The following SLC5A5 variants were observed in gnomAD, a reference collection of about 807,000 sequenced individuals.
The protein encoded by SLC5A5 is solute carrier family 5 member 5.
In SLC5A5, 56 loss-of-function variants were observed where a neutral mutation model predicts 68.6. That is an observed-to-expected ratio of 0.82 (90% CI 0.66 to 1.02). The LOEUF is 1.02. Ranked by LOEUF, SLC5A5 falls within the 50% of genes least tolerant of loss-of-function variation. The pLI, the probability that SLC5A5 is intolerant of heterozygous loss-of-function variation, is 0.00. For synonymous variants in SLC5A5, 398 were observed against 373.0 expected (o/e 1.07, Z -0.77); for missense variants, 807 against 859.8 (o/e 0.94, Z 0.77).
intron 14 of SLC5A5, among the ~76,000 whole-genome samples, chr19:17,891,274 C>G (rs142410664): frequency 0.038 from 5,712 of 152,080 alleles, 338 homozygotes; most frequent in African/African-American, 0.13. Context: ...GGTGCAATCT[C>G]GGCTCACTGC....
At chr19:17,880,377 G>C (rs2094317940) in intron 7 of SLC5A5, among the ~76,000 whole-genome samples, 1 of 151,602 alleles carries the variant, frequency 6.6e-6, no homozygotes, top group Non-Finnish European at 1.5e-5. Flanking sequence ...ACCACACCCA[G>C]CTAATTTATG....
chr19:17,886,473 A>G (rs2029924604), intron 12 of SLC5A5, among the ~76,000 whole-genome samples: 1 of 151,672 alleles, frequency 6.6e-6, no homozygotes, highest in South Asian at 2.1e-4. Flanking sequence ...ACGCCTGGCT[A>G]ATTTTTATAT....
intron 5 of SLC5A5, among the ~76,000 whole-genome samples, chr19:17,876,807 A>G (rs2094308393): frequency 2.0e-5 from 3 of 151,880 alleles, no homozygotes; most frequent in African/African-American, 7.3e-5. Flanking sequence ...GGTTGCAGTG[A>G]GCCGAGATGG....
rs771335029 is a variant in SLC5A5, at chr19:17,874,098, G to A, written c.358-40G>A. The A allele has an allele frequency of 9.4e-6, 14 of 1,496,520 alleles. No homozygotes were observed. In the South Asian group the frequency reaches 1.6e-4, roughly 17 times the overall value. The allele number at this position is 1,496,520 out of a possible 1,614,324, so 92.7% of individuals were successfully genotyped here. On this transcript the variant is annotated intron_variant, in intron 1 of 14. Coordinates refer to ENST00000222248, the MANE Select transcript of SLC5A5 (RefSeq NM_000453.3). ...GGGACCCGAGAGGCCTCGGCTCCTGGGTAAGGACTGTCCAGGTGACCTCGA... is the reference window on the plus strand; with the variant it reads ...GGGACCCGAGAGGCCTCGGCTCCTGAGTAAGGACTGTCCAGGTGACCTCGA...
At chr19:17,885,587 C>G (rs2094331339) in intron 12 of SLC5A5, among the ~76,000 whole-genome samples, 1 of 151,934 alleles carries the variant, frequency 6.6e-6, no homozygotes, top group South Asian at 2.1e-4. Flanking sequence ...TGCCATGTTG[C>G]CCAGGCTGGT....
rs148887708 is a variant in SLC5A5 at position 17,877,816 on chromosome 19, G to T, written c.792G>T (p.Ala264=). Residue 264 remains alanine (A), a synonymous_variant, in exon 6 of 15, where the codon GCG becomes GCT. Coordinates refer to ENST00000222248, the MANE Select transcript of SLC5A5 (RefSeq NM_000453.3). ...VWLSMYGVNQ[A]QVQRYVACRT... The stretch of plus-strand genomic sequence containing the variant: ...TCTCCATGTATGGCGTGAACCAGGC[G>T]CAGGTGCAGCGCTACGTGGCTTGCC... The T allele has an allele frequency of 2.2e-4, 348 of 1,614,088 alleles. No individual in the cohort carries two copies. The highest frequency in any genetic ancestry group is 2.8e-4 in the Non-Finnish European group (329 of 1,180,040).
intron 1 of SLC5A5, among the ~76,000 whole-genome samples, chr19:17,873,036 C>T (rs11881968): frequency 0.025 from 3,877 of 152,264 alleles, 179 homozygotes; most frequent in African/African-American, 0.089. Flanking sequence ...CTGACGGCTC[C>T]GGGGTTCGAA....
Position 17,883,941 on chromosome 19 carries a change from G to A in SLC5A5, c.1421G>A (p.Arg474Lys), listed in dbSNP as rs577226533. 22 of 1,563,728 alleles carry A rather than the reference G, an allele frequency of 1.4e-5. No individual in the cohort carries two copies. The South Asian group carries it at 2.3e-4, about 17-fold the overall frequency. ...TLYPPSEQTM[R>K]VLPSSAARCV... is the part of the protein sequence containing the mutation. Reference sequence around the variant, plus strand: ...TACCCACCCAGCGAGCAGACCATGAGGGTCCTGCCATCGTCGGCTGCCCGC... The same window carrying A: ...TACCCACCCAGCGAGCAGACCATGAAGGTCCTGCCATCGTCGGCTGCCCGC... Residue 474 changes from arginine to lysine, a missense_variant, in exon 12 of 15, where the codon AGG becomes AAG. Physicochemically the swap from Arg to Lys is conservative, Grantham distance 26. Coordinates refer to ENST00000222248, the MANE Select transcript of SLC5A5 (RefSeq NM_000453.3).
intron 7 of SLC5A5, among the ~76,000 whole-genome samples, chr19:17,878,843 T>A (rs957600537): frequency 1.3e-5 from 2 of 150,956 alleles, no homozygotes; most frequent in Admixed American, 1.3e-4. Flanking sequence ...GGCCTGGTGA[T>A]GCATGCCTGT....
chr19:17,880,275 C>A (rs968390948), intron 7 of SLC5A5, among the ~76,000 whole-genome samples: 1 of 149,852 alleles, frequency 6.7e-6, no homozygotes, highest in South Asian at 2.1e-4. Context: ...AGTGCAACGG[C>A]GCGATCTCCG....
chr19:17,872,988 G>C (rs577382948), intron 1 of SLC5A5, among the ~76,000 whole-genome samples: 1 of 152,172 alleles, frequency 6.6e-6, no homozygotes, highest in Non-Finnish European at 1.5e-5. Flanking sequence ...CCACCTGCCC[G>C]GGCGTGCAGA....
Position 17,894,111 on chromosome 19 carries a change from C to A in SLC5A5, c.*234C>A. 1.9e-6 allele frequency: 1 copy of A among 523,384 alleles called. No homozygotes were observed. The highest frequency in any genetic ancestry group is 3.4e-5 in the Admixed American group (1 of 29,038). The allele number at this position is 523,384 out of a possible 1,614,324, so 32.4% of individuals were successfully genotyped here. A position where few individuals can be genotyped will look rare whatever the true frequency, so the allele number is the denominator to read the frequency against. On this transcript the variant is annotated 3_prime_UTR_variant, in exon 15 of 15. Coordinates refer to ENST00000222248, the MANE Select transcript of SLC5A5 (RefSeq NM_000453.3). ...ATTAGACGCTGCAGCCCTGACGGCT[C>A]CCCCCAAATAAGGCTGGGTTTTTCT...
At chr19:17,893,260 G>C (rs945820208) in intron 14 of SLC5A5, among the ~76,000 whole-genome samples, 1 of 151,540 alleles carries the variant, frequency 6.6e-6, no homozygotes, top group Non-Finnish European at 1.5e-5. Context: ...GCACCACCGA[G>C]TCTGGTTAAT....
intron 12 of SLC5A5, among the ~76,000 whole-genome samples, chr19:17,887,280 G>T (rs1244470751): frequency 6.6e-6 from 1 of 152,072 alleles, no homozygotes; most frequent in African/African-American, 2.4e-5. Context: ...ATCCTTTGAT[G>T]CACAGAAGTT....
At chr19:17,876,864 C>A (rs559259835) in intron 5 of SLC5A5, among the ~76,000 whole-genome samples, 1,623 of 150,078 alleles carry the variant, frequency 0.011, 32 homozygotes, top group African/African-American at 0.037. Flanking sequence ...CCGTCCCCCC[C>A]CTAAAAAAAA....
At chr19:17,888,653 G>C (rs1284548030) in intron 13 of SLC5A5, among the ~76,000 whole-genome samples, 198 bp downstream of exon 13, 3 of 148,946 alleles carry the variant, frequency 2.0e-5, no homozygotes, top group African/African-American at 7.5e-5. Context: ...TCATTTTTGA[G>C]ATAGAGTCTC....
intron 1 of SLC5A5, 95 bp downstream of exon 1, chr19:17,872,771 A>G (rs1167241061): frequency 2.8e-5 from 23 of 820,000 alleles, no homozygotes; most frequent in Non-Finnish European, 4.5e-5. Flanking sequence ...GCTGTACAGG[A>G]GGACGCGGAT....
chr19:17,881,095 A>G lies in SLC5A5; in HGVS notation c.1058+142A>G, dbSNP rs576711031. 4.3e-4 allele frequency: 316 copies of G among 730,954 alleles called. 1 individual carries two copies. In the African/African-American group the frequency reaches 4.8e-3, roughly 11 times the overall value. The allele number at this position is 730,954 out of a possible 1,614,324, so 45.3% of individuals were successfully genotyped here. On this transcript the variant is annotated intron_variant, in intron 8 of 14. Coordinates refer to ENST00000222248, the MANE Select transcript of SLC5A5 (RefSeq NM_000453.3). ...CTGCTTGATCCCTAGAAGACAGCTC[A>G]GGTAGGCGCTGGCAGAGAGCATGCC...
Position 17,876,113 on chromosome 19 carries a change from GA to G in SLC5A5, c.698+11del. ...CCCGGATCAACCTCATGGAGTGAGT[GA>G]AAATGCAGAGGATACTCCAGCAGGA... On this transcript the variant is annotated splice_region_variant and intron_variant, in intron 5 of 14. Coordinates refer to ENST00000222248, the MANE Select transcript of SLC5A5 (RefSeq NM_000453.3). 6.2e-7 allele frequency: 1 copy of G among 1,613,826 alleles called. No homozygotes were observed. Among genetic ancestry groups the G allele is most frequent in the South Asian group, 1.1e-5 (1 of 91,084 alleles).
Sources: allele counts gnomAD v4.1 joint callset (sites outside exome capture counted in the v4.1 genomes callset), GRCh38; gene constraint gnomAD v4.1.1; transcripts MANE v1.5; gene names NCBI Gene and HGNC (gene_info 2026-07-23, HGNC 2026-07-21).